The following KIF26B variants were observed in gnomAD, a reference collection of about 807,000 sequenced individuals.
The protein encoded by KIF26B is kinesin family member 26B.
A neutral mutation model predicts 151.2 loss-of-function variants in KIF26B; 63 were observed. That is an observed-to-expected ratio of 0.42 (90% CI 0.34 to 0.51). The LOEUF (loss-of-function observed/expected upper bound fraction) is 0.51, where lower values mean the gene tolerates loss of function less well. Ranked by LOEUF, KIF26B falls within the 20% of genes least tolerant of loss-of-function variation. KIF26B has a pLI of 0.07. For synonymous variants in KIF26B, 1,357 were observed against 1,262.1 expected (o/e 1.08, Z -1.59); for missense variants, 2,813 against 2,913.6 (o/e 0.97, Z 0.79).
At chr1:245,435,622 G>A (rs935468554) in intron 4 of KIF26B, among the ~76,000 whole-genome samples, 27 of 152,294 alleles carry the variant, frequency 1.8e-4, no homozygotes, top group Middle Eastern at 3.4e-3. Flanking sequence ...TCATTAAGGC[G>A]TCTGCTGTGG....
At chr1:245,696,982 G>A (rs1054130789) in intron 12 of KIF26B, among the ~76,000 whole-genome samples, 2 of 152,146 alleles carry the variant, frequency 1.3e-5, no homozygotes, top group African/African-American at 4.8e-5. Context: ...GTGGTAGCGG[G>A]CGCCTGTAGT....
chr1:245,545,164 C>A (rs1661716726), intron 5 of KIF26B, among the ~76,000 whole-genome samples: 1 of 150,428 alleles, frequency 6.6e-6, no homozygotes, highest in African/African-American at 2.5e-5. Flanking sequence ...TACAGTGGTA[C>A]AATCTTGGCT....
chr1:245,366,743 C>T, intron 2 of KIF26B, 91 bp from the exon 3 acceptor site: 1 of 1,257,734 alleles, frequency 8.0e-7, no homozygotes, highest in Non-Finnish European at 1.1e-6. Context: ...TTGAGTACGT[C>T]TCGGGTTTGA....
intron 10 of KIF26B, among the ~76,000 whole-genome samples, chr1:245,666,108 C>T (rs150619601): frequency 0.034 from 4,920 of 143,526 alleles, 217 homozygotes; most frequent in African/African-American, 0.11. Context: ...TTAAGCAATT[C>T]TCCTCCCTCA....
intron 4 of KIF26B, among the ~76,000 whole-genome samples, chr1:245,459,820 T>G (rs2103057075): frequency 6.6e-6 from 1 of 151,810 alleles, no homozygotes; most frequent in Middle Eastern, 3.4e-3. Flanking sequence ...AGGATGAAAG[T>G]CTCTGAAATG....
At chr1:245,399,493 A>T (rs149452796) in intron 3 of KIF26B, among the ~76,000 whole-genome samples, 1 of 152,334 alleles carries the variant, frequency 6.6e-6, no homozygotes, top group East Asian at 1.9e-4. Flanking sequence ...TGTCAATCCG[A>T]CTTATTGCCA....
chr1:245,699,400 G>A (rs563917731), intron 14 of KIF26B, among the ~76,000 whole-genome samples: 1 of 151,098 alleles, frequency 6.6e-6, no homozygotes, highest in African/African-American at 2.4e-5. Context: ...GCCTGAAATA[G>A]ACAAGAATTT....
At chr1:245,172,778 C>T (rs1668736167) in intron 2 of KIF26B, among the ~76,000 whole-genome samples, 1 of 152,160 alleles carries the variant, frequency 6.6e-6, no homozygotes, top group African/African-American at 2.4e-5. Context: ...TCACTGCGCT[C>T]CAGCCTGGGT....
At chr1:245,446,552 C>T (rs1659255045) in intron 4 of KIF26B, among the ~76,000 whole-genome samples, 2 of 152,184 alleles carry the variant, frequency 1.3e-5, no homozygotes, top group African/African-American at 2.4e-5. Context: ...GCCCAGGCTA[C>T]AGACTCCTAA....
At position 245,674,112 on chromosome 1, in the gene KIF26B, T is replaced by G. The variant is rs149396628; in HGVS notation, c.2259-10121T>G. Among the ~76,000 whole-genome samples, 305 of 152,344 alleles carry G rather than the reference T, an allele frequency of 2.0e-3. 2 individuals carry two copies. Among genetic ancestry groups the G allele is most frequent in the Middle Eastern group, 6.8e-3 (2 of 294 alleles). ...AGATCAAAGTTTCTAAATAGTACAA[T>G]GAGCTCATCTTGACTCAAAAGATGT... On this transcript the variant is annotated intron_variant, in intron 10 of 14. Transcript: ENST00000407071.
At chr1:245,696,305 G>A (rs950370163) in intron 12 of KIF26B, among the ~76,000 whole-genome samples, 1 of 152,234 alleles carries the variant, frequency 6.6e-6, no homozygotes, top group Admixed American at 6.5e-5. Flanking sequence ...TGTAGGAGAG[G>A]CCTGCATGGC....
intron 10 of KIF26B, among the ~76,000 whole-genome samples, chr1:245,676,985 C>T (rs536706408): frequency 1.3e-5 from 2 of 152,344 alleles, no homozygotes; most frequent in East Asian, 1.9e-4. Context: ...GTCTCTCCCA[C>T]GCATTATCCT....
At chr1:245,311,626 T>C (rs2015445) in intron 2 of KIF26B, among the ~76,000 whole-genome samples, 90,521 of 151,694 alleles carry the variant, frequency 0.6, 27,446 homozygotes, top group East Asian at 0.75. Context: ...ATAAAAATAA[T>C]AAATAAATAA....
intron 2 of KIF26B, among the ~76,000 whole-genome samples, chr1:245,217,299 C>T (rs183257128): frequency 9.2e-5 from 14 of 152,060 alleles, no homozygotes; most frequent in Admixed American, 8.5e-4. Context: ...AAAAATTTCT[C>T]TTTAGAATTT....
chr1:245,212,126 A>C (rs1398201800), intron 2 of KIF26B, among the ~76,000 whole-genome samples: 1 of 152,184 alleles, frequency 6.6e-6, no homozygotes. Flanking sequence ...TGCTCTAGGC[A>C]GAAGTGGGCG....
At chr1:245,363,026 T>G (rs1322923730) in intron 2 of KIF26B, among the ~76,000 whole-genome samples, 5 of 152,140 alleles carry the variant, frequency 3.3e-5, no homozygotes, top group African/African-American at 1.2e-4. Flanking sequence ...TACAGATGTC[T>G]CTGAAGCCCA....
At chr1:245,641,878 A>G (rs116459001) in intron 9 of KIF26B, among the ~76,000 whole-genome samples, 1,690 of 151,666 alleles carry the variant, frequency 0.011, 10 homozygotes, top group Middle Eastern at 0.02. Context: ...CGCTTGAAGT[A>G]TGATGATATC....
chr1:245,449,496 C>G (rs959166113), intron 4 of KIF26B, among the ~76,000 whole-genome samples: 12 of 152,146 alleles, frequency 7.9e-5, no homozygotes, highest in Middle Eastern at 6.8e-3. Context: ...TCTTCCCACA[C>G]CTGATTTCCA....
chr1:245,689,004 C>T (rs2044584582), intron 12 of KIF26B, among the ~76,000 whole-genome samples, 197 bp downstream of exon 12: 1 of 152,146 alleles, frequency 6.6e-6, no homozygotes. Flanking sequence ...CCTGGCCTCT[C>T]CTTTCCCACG....
Sources: allele counts gnomAD v4.1 joint callset (sites outside exome capture counted in the v4.1 genomes callset), GRCh38; gene constraint gnomAD v4.1.1; transcripts MANE v1.5; gene names NCBI Gene and HGNC (gene_info 2026-07-23, HGNC 2026-07-21).